The following ZNF451 variants were observed in gnomAD, a reference collection of about 807,000 sequenced individuals.
The protein encoded by ZNF451 is zinc finger protein 451.
Under a neutral mutation model 107.1 loss-of-function variants are expected in ZNF451, and 80 were observed. That is an observed-to-expected ratio of 0.75 (90% confidence interval 0.62 to 0.90). The LOEUF (loss-of-function observed/expected upper bound fraction) is 0.90, where lower values mean the gene tolerates loss of function less well. Ranked by LOEUF, ZNF451 falls within the 40% of genes least tolerant of loss-of-function variation. ZNF451 has a pLI of 0.00. For missense variants in ZNF451, 1,107 were observed against 1,236.2 expected (o/e 0.90, Z 1.57); for synonymous variants, 362 against 406.5 (o/e 0.89, Z 1.32).
intron 3 of ZNF451, chr6:57,107,410 A>G (rs1339432422): frequency 1.0e-6 from 1 of 985,076 alleles, no homozygotes; most frequent in Non-Finnish European, 1.2e-6. Flanking sequence ...TTTAAAAAAA[A>G]TATAGCCAGT....
At chr6:57,158,770 G>C (rs1349503974) in intron 13 of ZNF451, 1 of 985,290 alleles carries the variant, frequency 1.0e-6, no homozygotes, top group Non-Finnish European at 1.2e-6. Flanking sequence ...AATTTTTGTT[G>C]AATCTGTATG....
intron 3 of ZNF451, chr6:57,102,265 A>G: frequency 7.4e-7 from 1 of 1,344,800 alleles, no homozygotes; most frequent in African/African-American, 1.5e-5. Flanking sequence ...TGAAGTATAT[A>G]ATAAAGAAAC....
At chr6:57,107,837 GATT>G in intron 3 of ZNF451, 1 of 908,828 alleles carries the variant, frequency 1.1e-6, no homozygotes, top group Non-Finnish European at 1.3e-6. Flanking sequence ...TATATTTGAT[GATT>G]TTTTTTTTTT....
chr6:57,099,926 T>C (rs1460795249), intron 3 of ZNF451, among the ~76,000 whole-genome samples: 1 of 152,228 alleles, frequency 6.6e-6, no homozygotes, highest in Non-Finnish European at 1.5e-5. Context: ...CCAGCTTTAC[T>C]CTTTACAAAT....
intron 5 of ZNF451, among the ~76,000 whole-genome samples, chr6:57,130,056 A>G (rs1489362199): frequency 2.6e-5 from 4 of 152,180 alleles, no homozygotes; most frequent in Non-Finnish European, 5.9e-5. Context: ...CCACCCAGCT[A>G]TGTGCTTCTT....
At chr6:57,167,522 CT>C (rs1431007753) in intron 14 of ZNF451, among the ~76,000 whole-genome samples, 1 of 152,140 alleles carries the variant, frequency 6.6e-6, no homozygotes, top group Non-Finnish European at 1.5e-5. Flanking sequence ...GTAGCTTTAA[CT>C]TGATACACAG....
At chr6:57,160,844 A>C in intron 13 of ZNF451, 1 of 352,984 alleles carries the variant, frequency 2.8e-6, no homozygotes, top group East Asian at 4.3e-5. Flanking sequence ...TGTTAATGAA[A>C]ACCTATGGTG....
intron 3 of ZNF451, chr6:57,115,247 CAA>C (rs929729889): frequency 1.3e-5 from 2 of 151,920 alleles, no homozygotes; most frequent in African/African-American, 2.4e-5. Context: ...GCCTGGGTAA[CAA>C]AGTGAGATCC....
chr6:57,126,371 C>T (rs747446413), intron 4 of ZNF451, among the ~76,000 whole-genome samples: 17 of 151,744 alleles, frequency 1.1e-4, no homozygotes, highest in Non-Finnish European at 1.5e-4. Flanking sequence ...TTATGGATTA[C>T]TTATTTTTTA....
In ZNF451 at chr6:57,152,307, T is replaced by C. The variant is rs752690620; in HGVS notation, c.2839T>C (p.Cys947Arg). 4 of 1,614,132 alleles carry C rather than the reference T, an allele frequency of 2.5e-6. No individual in the cohort carries two copies. Among genetic ancestry groups the C allele is most frequent in the Non-Finnish European group, 3.4e-6 (4 of 1,180,002 alleles). Residue 947 changes from cysteine (C) to arginine (R), a missense_variant, in exon 12 of 15, where the codon TGT becomes CGT. By Grantham distance (180) the Cys-to-Arg change is radical. Coordinates refer to ENST00000370706, the MANE Select transcript of ZNF451 (RefSeq NM_001031623.3). ...RIGCFFLHPRCSKRKDAADFA... is the reference protein window; with the variant it reads ...RIGCFFLHPRRSKRKDAADFA... ...TGGATGCTTCTTCCTTCATCCTCGC[T>C]GTAGTAAAAGAAAAGATGCTGCTGA...
chr6:57,092,041 T>C (rs1829073608), intron 2 of ZNF451, among the ~76,000 whole-genome samples: 1 of 152,212 alleles, frequency 6.6e-6, no homozygotes, highest in Non-Finnish European at 1.5e-5. Flanking sequence ...TCCTGTCCTT[T>C]CCTTCACCAT....
chr6:57,104,712 A>G (rs1460145792), intron 3 of ZNF451: 24 of 985,402 alleles, frequency 2.4e-5, no homozygotes, highest in Non-Finnish European at 2.9e-5. Context: ...CCATTCTTAA[A>G]TATTTGTAAG....
chr6:57,090,740 C>T, intron 1 of ZNF451, 71 bp from the exon 2 acceptor site: 1 of 41,886 alleles, frequency 2.4e-5, no homozygotes, highest in Admixed American at 2.7e-4. Context: ...TTTAATTGTT[C>T]CTTTCGGAAA....
At chr6:57,106,834 TAAG>T in intron 3 of ZNF451, 13 of 981,648 alleles carry the variant, frequency 1.3e-5, no homozygotes, top group Non-Finnish European at 1.6e-5. Flanking sequence ...ATTTTTTACT[TAAG>T]AAAATATATA....
intron 7 of ZNF451, among the ~76,000 whole-genome samples, chr6:57,140,990 T>C (rs1831727416): frequency 6.6e-6 from 1 of 152,216 alleles, no homozygotes; most frequent in South Asian, 2.1e-4. Flanking sequence ...ATCACATTTA[T>C]GCATTTATAT....
chr6:57,107,321 G>A (rs951363420), intron 3 of ZNF451: 17 of 984,166 alleles, frequency 1.7e-5, no homozygotes, highest in Non-Finnish European at 1.8e-5. Context: ...ATTTTGATGT[G>A]GCTTTGTATT....
rs748813060 is a variant in ZNF451, at chr6:57,148,682, A to G, written c.2597A>G (p.Tyr866Cys). 1.2e-6 allele frequency: 2 copies of G among 1,608,260 alleles called. No homozygotes were observed. The highest frequency in any genetic ancestry group is 1.7e-6 in the Non-Finnish European group (2 of 1,177,716). Residue 866 changes from tyrosine to cysteine, a missense_variant, in exon 10 of 15, where the codon TAT becomes TGT. Tyr to Cys is a radical substitution (Grantham distance 194). Transcript: ENST00000370706. ...MEKGVENDLSYQNIEEEIVEL... is the reference protein window; with the variant it reads ...MEKGVENDLSCQNIEEEIVEL... ...AAAGGAGTTGAGAATGACCTAAGCTATCAGAATATAGGTATGGCTTTATAG... is the reference window on the plus strand; with the variant it reads ...AAAGGAGTTGAGAATGACCTAAGCTGTCAGAATATAGGTATGGCTTTATAG...
chr6:57,115,338 TATC>T (rs1300421238), intron 3 of ZNF451: 2 of 152,220 alleles, frequency 1.3e-5, no homozygotes, highest in Non-Finnish European at 1.5e-5. Flanking sequence ...AGTTTAACAT[TATC>T]ATTTCGTTGA....
At chr6:57,117,109 A>G (rs1046658415) in intron 3 of ZNF451, among the ~76,000 whole-genome samples, 3 of 152,204 alleles carry the variant, frequency 2.0e-5, no homozygotes, top group Non-Finnish European at 4.4e-5. Flanking sequence ...AACAGAGGCA[A>G]TTTATTGAGA....
Sources: allele counts gnomAD v4.1 joint callset (sites outside exome capture counted in the v4.1 genomes callset), GRCh38; gene constraint gnomAD v4.1.1; transcripts MANE v1.5; gene names NCBI Gene and HGNC (gene_info 2026-07-23, HGNC 2026-07-21).